The following SLC12A2 variants were observed in gnomAD, a reference collection of about 807,000 sequenced individuals.
SLC12A2 encodes solute carrier family 12 member 2, also known as Na-K-2Cl cotransporter 1.
Under a neutral mutation model 136.3 loss-of-function variants are expected in SLC12A2, and 67 were observed. The ratio of observed to expected loss-of-function variants is 0.49; its 90% CI spans 0.40 to 0.60. SLC12A2 has a LOEUF of 0.60. SLC12A2 is among the 20% of genes least tolerant of loss of function. The pLI is 0.00. For synonymous variants in SLC12A2, 619 were observed against 562.9 expected, an observed-to-expected ratio of 1.10 and a Z score of -1.41; for missense variants, 1,322 against 1,534.7, an observed-to-expected ratio of 0.86 and a Z score of 2.32.
intron 26 of SLC12A2, among the ~76,000 whole-genome samples, chr5:128,185,189 G>T (rs972328619): frequency 6.6e-6 from 1 of 152,090 alleles, no homozygotes; most frequent in Admixed American, 6.5e-5. Context: ...AGGGTCCTAC[G>T]TTAAAATTTG....
rs537215758 is a variant in SLC12A2 at position 128,134,205 on chromosome 5, G to A, written c.1229G>A (p.Arg410Gln). The change falls in exon 6 of 27, where the codon CGA (arginine) becomes CAA (glutamine). Residue 410 changes from arginine (R) to glutamine (Q), a missense_variant. Coordinates refer to ENST00000262461, the MANE Select transcript of SLC12A2 (RefSeq NM_001046.3). ...ILMIDEINDI[R>Q]IIGAITVVIL... ...ATGATAGATGAAATCAATGATATCCGAATTATTGGAGCCATTACAGTCGTG... is the reference window on the plus strand; with the variant it reads ...ATGATAGATGAAATCAATGATATCCAAATTATTGGAGCCATTACAGTCGTG... The A allele has an allele frequency of 3.1e-6, 5 of 1,605,708 alleles. No individual in the cohort carries two copies. In the Admixed American group the frequency reaches 5.0e-5, roughly 16 times the overall value.
intron 10 of SLC12A2, among the ~76,000 whole-genome samples, chr5:128,145,704 G>T (rs548048668): frequency 6.6e-6 from 1 of 152,128 alleles, no homozygotes; most frequent in South Asian, 2.1e-4. Context: ...TCAACAGGGT[G>T]GTTTATGTGT....
intron 18 of SLC12A2, 100 bp downstream of exon 18, chr5:128,167,967 T>C (rs1354454427): frequency 4.9e-6 from 3 of 615,100 alleles, no homozygotes; most frequent in Non-Finnish European, 8.1e-6. Flanking sequence ...TAGTCTCTTG[T>C]AATGGAAATA....
intron 10 of SLC12A2, among the ~76,000 whole-genome samples, chr5:128,146,737 A>G (rs910183299): frequency 2.0e-5 from 3 of 151,714 alleles, no homozygotes. Context: ...TTCGCTGGAA[A>G]TATTTCCACA....
Position 128,177,244 on chromosome 5 carries a change from T to G in SLC12A2, c.2977+92T>G, listed in dbSNP as rs985316615. 49 of 906,344 alleles carry G rather than the reference T, an allele frequency of 5.4e-5. No individual in the cohort carries two copies. The African/African-American group carries it at 7.6e-4, about 14-fold the overall frequency. 56.1% of individuals were successfully genotyped at this position (906,344 alleles called of 1,614,324 possible). A position where few individuals can be genotyped will look rare whatever the true frequency, so the allele number is the denominator to read the frequency against. On this transcript the variant is annotated intron_variant, in intron 21 of 26. Transcript: ENST00000262461. The stretch of plus-strand genomic sequence containing the variant: ...ATTCCCTTTTTTTTAACCTTGGTTT[T>G]TATTTCCATGGTGAGGTAATGTTAC...
At chr5:128,126,969 T>TAA (rs1483249957) in intron 4 of SLC12A2, among the ~76,000 whole-genome samples, 2 of 123,364 alleles carry the variant, frequency 1.6e-5, no homozygotes, top group African/African-American at 3.7e-5. Context: ...TATATATATT[T>TAA]TTTTTTTTTT....
chr5:128,087,192 C>A (rs971062670), intron 1 of SLC12A2, among the ~76,000 whole-genome samples: 4 of 152,172 alleles, frequency 2.6e-5, no homozygotes, highest in African/African-American at 9.7e-5. Flanking sequence ...CTTGGTGCAT[C>A]TTGCTATATT....
At position 128,158,116 on chromosome 5, in the gene SLC12A2, T is replaced by C. The variant is rs1762919628; in HGVS notation, c.2427T>C (p.His809=). Residue 809 remains histidine (H), a synonymous_variant, in exon 16 of 27, where the codon CAT becomes CAC. Transcript: ENST00000262461. The part of the protein sequence containing the change: ...NSRPALLHLV[H]DFTKNVGLMI... ...GTCCAGCTTTACTTCATCTTGTTCATGATTTCACAAAAAATGTTGGTTTGA... is the reference window on the plus strand; with the variant it reads ...GTCCAGCTTTACTTCATCTTGTTCACGATTTCACAAAAAATGTTGGTTTGA... The C allele has an allele frequency of 1.2e-6, 2 of 1,613,602 alleles. No homozygotes were observed. The highest frequency in any genetic ancestry group is 1.7e-6 in the Non-Finnish European group (2 of 1,179,720).
At chr5:128,128,802 C>T (rs139128916) in intron 4 of SLC12A2, among the ~76,000 whole-genome samples, 3 of 136,078 alleles carry the variant, frequency 2.2e-5, no homozygotes, top group South Asian at 2.2e-4. Context: ...AGTGGTAGAT[C>T]TTTAAAAAAA....
chr5:128,150,583 A>T (rs1019416891), intron 13 of SLC12A2, among the ~76,000 whole-genome samples: 6 of 151,844 alleles, frequency 4.0e-5, no homozygotes, highest in African/African-American at 1.4e-4. Flanking sequence ...GGACACAAAC[A>T]TTCTAACATC....
rs1760028863 is a variant in SLC12A2 at position 128,084,872 on chromosome 5, G to GT, written c.756+164dup. On this transcript the variant is annotated intron_variant, in intron 1 of 26. Coordinates refer to ENST00000262461, the MANE Select transcript of SLC12A2 (RefSeq NM_001046.3). The surrounding 1 kb of genome is among the most constrained non-coding windows in gnomAD (Gnocchi z 5.6). ...GTCAAGGGTGGAATTGCCGAGGAATGTTAACTTAATCTCTCAAAAGTTTGT... is the reference window on the plus strand; with the variant it reads ...GTCAAGGGTGGAATTGCCGAGGAATGTTTAACTTAATCTCTCAAAAGTTTGT... Among the ~76,000 whole-genome samples, 1 of 151,670 alleles carries GT rather than the reference G, an allele frequency of 6.6e-6. No homozygotes were observed. The highest frequency in any genetic ancestry group is 2.4e-5 in the African/African-American group (1 of 41,234).
chr5:128,122,492 T>A (rs1235458802), intron 4 of SLC12A2, among the ~76,000 whole-genome samples: 2 of 152,198 alleles, frequency 1.3e-5, no homozygotes, highest in Non-Finnish European at 2.9e-5. Flanking sequence ...CATTTAACAT[T>A]TACATGGATA....
chr5:128,122,755 T>C (rs1217149522), intron 4 of SLC12A2, among the ~76,000 whole-genome samples: 1 of 152,112 alleles, frequency 6.6e-6, no homozygotes, highest in Non-Finnish European at 1.5e-5. Flanking sequence ...CAGATTATCA[T>C]TGATTGTCAA....
Position 128,112,942 on chromosome 5 carries a change from A to G in SLC12A2, c.876+9A>G, listed in dbSNP as rs369586191. On this transcript the variant is annotated intron_variant, in intron 2 of 26. Coordinates refer to ENST00000262461, the MANE Select transcript of SLC12A2 (RefSeq NM_001046.3). ...GGATCAAGGGTGTATTAGTATGTAT[A>G]TATAGACTTAATTTTATAGTTACAG... 1 of 1,575,022 alleles carries G rather than the reference A, an allele frequency of 6.3e-7. No individual in the cohort carries two copies. The highest frequency in any genetic ancestry group is 8.6e-7 in the Non-Finnish European group (1 of 1,166,044).
rs762545380 is a variant in SLC12A2, at chr5:128,084,380, C to T, written c.426C>T (p.Asn142=). The T allele has an allele frequency of 1.9e-6, 3 of 1,607,416 alleles. No homozygotes were observed. The highest frequency in any genetic ancestry group is 1.7e-6 in the Non-Finnish European group (2 of 1,178,152). Residue 142 remains asparagine (N), a synonymous_variant, in exon 1 of 27, where the codon AAC becomes AAT. Transcript: ENST00000262461. The surrounding 1 kb of genome is among the most constrained non-coding windows in gnomAD (Gnocchi z 5.6). The part of the protein sequence containing the change: ...SEEAKGRFRV[N]FVDPAASSSA... ...AAGCCAAGGGCCGCTTCCGCGTGAA[C>T]TTCGTGGACCCAGCTGCCTCCTCGT... is the stretch of plus-strand genomic sequence containing the variant.
At chr5:128,103,745 G>T (rs1219262442) in intron 1 of SLC12A2, among the ~76,000 whole-genome samples, 1 of 152,172 alleles carries the variant, frequency 6.6e-6, no homozygotes, top group African/African-American at 2.4e-5. Context: ...CAGGCAGAGG[G>T]AAAGGCAAGC....
chr5:128,135,558 A>T (rs1217578268), intron 6 of SLC12A2, 142 bp from the exon 7 acceptor site: 8 of 579,852 alleles, frequency 1.4e-5, no homozygotes, highest in Non-Finnish European at 2.5e-5. Flanking sequence ...GCTGCTTGGC[A>T]TATGGCATTG....
In SLC12A2 at chr5:128,084,239, T is replaced by G. The variant is rs1561644444; in HGVS notation, c.285T>G (p.Ala95=). ...CCGAGAACGCCGGGCGGGCCGCTGCTGCGGCGGCGGCGGCGGCGGCGGCAG... is the reference window on the plus strand; with the variant it reads ...CCGAGAACGCCGGGCGGGCCGCTGCGGCGGCGGCGGCGGCGGCGGCGGCAG... ...LVSENAGRAA[A]AAAAAAAAAA... Residue 95 remains alanine, a synonymous_variant, in exon 1 of 27, where the codon GCT becomes GCG. Coordinates refer to ENST00000262461, the MANE Select transcript of SLC12A2 (RefSeq NM_001046.3). This position sits in a 1 kb window ranked among gnomAD's most constrained non-coding sequence, Gnocchi z 5.6. 5.5e-6 allele frequency: 7 copies of G among 1,279,596 alleles called. No homozygotes were observed. The highest frequency in any genetic ancestry group is 4.2e-5 in the Admixed American group (1 of 23,594). 79.3% of individuals were successfully genotyped at this position (1,279,596 alleles called of 1,614,324 possible).
chr5:128,166,038 A>T (rs1288116450), intron 17 of SLC12A2, among the ~76,000 whole-genome samples: 1 of 151,528 alleles, frequency 6.6e-6, no homozygotes, highest in Admixed American at 6.6e-5. Context: ...ATGGGGGGAA[A>T]ATTTACTTCT....
Sources: gnomAD v4.1 joint callset for allele counts (sites outside exome capture counted in the v4.1 genomes callset) on GRCh38, gnomAD v4.1.1 for gene constraint, Gnocchi (gnomAD v3.1) non-coding constraint, MANE v1.5 for transcripts, NCBI Gene and HGNC (gene_info 2026-07-23, HGNC 2026-07-21) for gene names.